Variants in LMOD1 observed in about 807,000 individuals in gnomAD.
The protein encoded by LMOD1 is leiomodin-1.
In LMOD1, 8 loss-of-function variants were observed where a neutral mutation model predicts 36.5. That is an observed-to-expected ratio of 0.22 (90% CI 0.13 to 0.40). The LOEUF (loss-of-function observed/expected upper bound fraction) is 0.40, where lower values mean the gene tolerates loss of function less well. Among genes scored for constraint, LMOD1 ranks in the 10% least tolerant of loss-of-function variants. LMOD1 has a pLI of 1.00. For missense variants in LMOD1, 630 were observed against 751.1 expected (o/e 0.84, Z 1.88); for synonymous variants, 284 against 288.7 (o/e 0.98, Z 0.17).
chr1:201,900,269 C>T lies in LMOD1; in HGVS notation c.744G>A (p.Met248Ile), dbSNP rs992229692. 5 of 1,613,182 alleles carry T rather than the reference C, an allele frequency of 3.1e-6. No homozygotes were observed. The Admixed American group carries it at 6.7e-5, about 22-fold the overall frequency. ...KMKRAGGNTD[M>I]KKEDEKVKRG... Reference sequence around the variant, plus strand: ...TTTTTACCTTCTCATCCTCCTTTTTCATGTCTGTGTTCCCACCTGCTCTTT... The same window carrying T: ...TTTTTACCTTCTCATCCTCCTTTTTTATGTCTGTGTTCCCACCTGCTCTTT... The change falls in exon 2 of 3, where the codon ATG (methionine) becomes ATA (isoleucine). Residue 248 changes from methionine (M) to isoleucine (I), a missense_variant. Physicochemically the swap from Met to Ile is conservative, Grantham distance 10. Around this residue, in one of 3 missense-constraint regions of LMOD1, gnomAD observed 405 missense variants for 400.6 expected, o/e 1.01. Transcript: ENST00000367288.
chr1:201,945,144 C>T (rs1269055851), intron 1 of LMOD1, among the ~76,000 whole-genome samples: 1 of 152,102 alleles, frequency 6.6e-6, no homozygotes, highest in African/African-American at 2.4e-5. Flanking sequence ...CAAAGGTATC[C>T]CACAAAGTCA....
At chr1:201,925,212 C>CA (rs201966653) in intron 1 of LMOD1, among the ~76,000 whole-genome samples, 65 of 130,980 alleles carry the variant, frequency 5.0e-4, no homozygotes, top group African/African-American at 1.4e-3. Flanking sequence ...AACTCCAGCT[C>CA]AAAAAAAAAA....
chr1:201,929,411 C>T (rs933324209), intron 1 of LMOD1, among the ~76,000 whole-genome samples: 6 of 152,086 alleles, frequency 3.9e-5, no homozygotes, highest in Non-Finnish European at 8.8e-5. Flanking sequence ...TCTGTAATCT[C>T]AGGTTACTAC....
At chr1:201,933,365 G>A (rs1681958393) in intron 1 of LMOD1, among the ~76,000 whole-genome samples, 1 of 150,400 alleles carries the variant, frequency 6.6e-6, no homozygotes, top group Non-Finnish European at 1.5e-5. Flanking sequence ...AGTGAGCCAA[G>A]ATCTCGTCAT....
intron 1 of LMOD1, among the ~76,000 whole-genome samples, chr1:201,913,336 T>C (rs1681544805): frequency 6.6e-6 from 1 of 152,206 alleles, no homozygotes; most frequent in South Asian, 2.1e-4. Context: ...CTGGGCACAG[T>C]GGCTCATGCA....
chr1:201,906,708 A>G (rs1681419020), intron 1 of LMOD1, among the ~76,000 whole-genome samples: 4 of 152,210 alleles, frequency 2.6e-5, no homozygotes, highest in Non-Finnish European at 5.9e-5. Context: ...TCCACCAAAA[A>G]GAAAGATTCT....
At chr1:201,922,387 A>G (rs1379482418) in intron 1 of LMOD1, among the ~76,000 whole-genome samples, 1 of 152,258 alleles carries the variant, frequency 6.6e-6, no homozygotes, top group Non-Finnish European at 1.5e-5. Flanking sequence ...TACCTCATTA[A>G]AATGGTATAA....
chr1:201,941,824 A>G (rs1169421841), intron 1 of LMOD1, among the ~76,000 whole-genome samples: 1 of 152,204 alleles, frequency 6.6e-6, no homozygotes, highest in Non-Finnish European at 1.5e-5. Flanking sequence ...CACCCCCACC[A>G]GCTCAGCTGC....
chr1:201,925,955 C>T (rs920120416), intron 1 of LMOD1, among the ~76,000 whole-genome samples: 1 of 152,110 alleles, frequency 6.6e-6, no homozygotes, highest in African/African-American at 2.4e-5. Flanking sequence ...CTCAAGCAGG[C>T]CTCCCATCTC....
chr1:201,900,090 T>G lies in LMOD1; in HGVS notation c.923A>C (p.Lys308Thr). 6.2e-7 allele frequency: 1 copy of G among 1,613,926 alleles called. No homozygotes were observed. The change falls in exon 2 of 3, where the codon AAG becomes ACG. Residue 308 changes from lysine to threonine, a missense_variant. By Grantham distance (78) the Lys-to-Thr change is moderately conservative (BLOSUM62 -1). Transcript: ENST00000367288. ...GCTGGGAGCTGCCTCCTCCTCCACCTTGGCCGGTCCTTCAGAGGGCTTGGT... is the reference window on the plus strand; with the variant it reads ...GCTGGGAGCTGCCTCCTCCTCCACCGTGGCCGGTCCTTCAGAGGGCTTGGT... ...GPTKPSEGPA[K>T]VEEEAAPSIF...
intron 1 of LMOD1, among the ~76,000 whole-genome samples, chr1:201,910,989 T>G (rs919077822): frequency 6.6e-6 from 1 of 152,078 alleles, no homozygotes; most frequent in Non-Finnish European, 1.5e-5. Flanking sequence ...TCTTGGGTTA[T>G]AGCACATATA....
chr1:201,921,809 A>C (rs1681710573), intron 1 of LMOD1, among the ~76,000 whole-genome samples: 1 of 151,692 alleles, frequency 6.6e-6, no homozygotes, highest in African/African-American at 2.4e-5. Context: ...AAATACAAAA[A>C]ATTAGCCAGG....
At chr1:201,908,110 C>T (rs2102912972) in intron 1 of LMOD1, among the ~76,000 whole-genome samples, 1 of 152,324 alleles carries the variant, frequency 6.6e-6, no homozygotes, top group Admixed American at 6.5e-5. Flanking sequence ...TAGCCATTCT[C>T]AGACTGAAGT....
At chr1:201,933,195 C>T (rs1329870444) in intron 1 of LMOD1, among the ~76,000 whole-genome samples, 1 of 152,112 alleles carries the variant, frequency 6.6e-6, no homozygotes, top group Non-Finnish European at 1.5e-5. Context: ...GAGTGGAACA[C>T]CTGAAGTCAG....
chr1:201,918,445 T>C (rs1347971828), intron 1 of LMOD1, among the ~76,000 whole-genome samples: 2 of 152,348 alleles, frequency 1.3e-5, no homozygotes, highest in Non-Finnish European at 2.9e-5. Context: ...CTTTGTAGCA[T>C]GGCAACAAAG....
At chr1:201,938,625 C>T (rs1450135421) in intron 1 of LMOD1, among the ~76,000 whole-genome samples, 1 of 152,136 alleles carries the variant, frequency 6.6e-6, no homozygotes, top group African/African-American at 2.4e-5. Flanking sequence ...GATGTAGCAC[C>T]TTTCACCTGC....
At chr1:201,910,857 C>T (rs1681486474) in intron 1 of LMOD1, among the ~76,000 whole-genome samples, 1 of 137,454 alleles carries the variant, frequency 7.3e-6, no homozygotes, top group African/African-American at 2.7e-5. Context: ...TGGGTTCAAG[C>T]GATTCTCCTG....
intron 1 of LMOD1, among the ~76,000 whole-genome samples, chr1:201,918,811 G>A (rs1273436821): frequency 6.6e-6 from 1 of 152,164 alleles, no homozygotes; most frequent in Non-Finnish European, 1.5e-5. Flanking sequence ...TTCATCTGAT[G>A]CCCACCCATT....
At chr1:201,924,905 A>G (rs1289346400) in intron 1 of LMOD1, among the ~76,000 whole-genome samples, 1 of 152,098 alleles carries the variant, frequency 6.6e-6, no homozygotes, top group African/African-American at 2.4e-5. Context: ...AAAAAGAGAG[A>G]GACAAAGAAA....
Sources: gnomAD v4.1 joint callset for allele counts (sites outside exome capture counted in the v4.1 genomes callset) on GRCh38, gnomAD v4.1.1 for gene constraint, gnomAD v4.1.1 regional missense constraint, MANE v1.5 for transcripts, NCBI Gene and HGNC (gene_info 2026-07-23, HGNC 2026-07-21) for gene names.